Variants in FANCC observed in about 807,000 individuals in gnomAD.
FANCC encodes Fanconi anemia group C protein.
A neutral mutation model predicts 71.3 loss-of-function variants in FANCC; 55 were observed. The observed-to-expected ratio is 0.77, with a 90% CI of 0.62 to 0.97. The LOEUF is 0.97. Among genes scored for constraint, FANCC ranks in the 50% least tolerant of loss-of-function variants. The probability of loss-of-function intolerance (pLI) is 0.00; values close to 1 mark genes in which losing one functional copy is unlikely to be tolerated. For synonymous variants in FANCC, 275 were observed against 244.9 expected, an observed-to-expected ratio of 1.12 and a Z score of -1.15; for missense variants, 678 against 670.9, an observed-to-expected ratio of 1.01 and a Z score of -0.12.
At chr9:95,119,388 A>G (rs572403909) in intron 10 of FANCC, among the ~76,000 whole-genome samples, 2 of 136,218 alleles carry the variant, frequency 1.5e-5, no homozygotes, top group East Asian at 4.2e-4. Context: ...TTTAATTGAG[A>G]TGGAGTCTTG....
In FANCC at chr9:95,100,949, A is replaced by C. The variant is rs1041307863; in HGVS notation, c.*758T>G. The stretch of plus-strand genomic sequence containing the variant: ...CCAGCCAGGCCAATTCTTTATCAGG[A>C]ATTTCCAATTCCCATTTCCATTTAA... On this transcript the variant is annotated 3_prime_UTR_variant, in exon 15 of 15. Coordinates refer to ENST00000289081, the MANE Select transcript of FANCC (RefSeq NM_000136.3). 6 of 233,142 alleles carry C rather than the reference A, an allele frequency of 2.6e-5. No individual in the cohort carries two copies. Among genetic ancestry groups the C allele is most frequent in the African/African-American group, 1.3e-4 (6 of 45,334 alleles). The allele number at this position is 233,142 out of a possible 1,614,324, so 14.4% of individuals were successfully genotyped here. A position where few individuals can be genotyped will look rare whatever the true frequency, so the allele number is the denominator to read the frequency against.
intron 1 of FANCC, among the ~76,000 whole-genome samples, chr9:95,268,033 G>A (rs975337055): frequency 2.0e-5 from 3 of 152,166 alleles, no homozygotes; most frequent in Non-Finnish European, 4.4e-5. Context: ...GTAGCCTTTC[G>A]ACATCACAGG....
At chr9:95,232,651 C>T (rs544333926) in intron 4 of FANCC, among the ~76,000 whole-genome samples, 1 of 152,142 alleles carries the variant, frequency 6.6e-6, no homozygotes, top group South Asian at 2.1e-4. Context: ...TCTCAAAACA[C>T]TCCTGGCTTT....
chr9:95,208,936 C>A (rs527513684), intron 4 of FANCC, among the ~76,000 whole-genome samples: 1 of 152,268 alleles, frequency 6.6e-6, no homozygotes, highest in East Asian at 1.9e-4. Context: ...AACACCTGCA[C>A]ACAGATGTTT....
chr9:95,173,059 A>C (rs1422512162), intron 4 of FANCC, among the ~76,000 whole-genome samples: 2 of 152,220 alleles, frequency 1.3e-5, no homozygotes. Flanking sequence ...ATAAAATACA[A>C]ATAGCTAAGA....
At chr9:95,103,722 G>A (rs375940108) in intron 14 of FANCC, among the ~76,000 whole-genome samples, 7 of 152,228 alleles carry the variant, frequency 4.6e-5, no homozygotes, top group African/African-American at 1.7e-4. Context: ...AGAGGATTCC[G>A]GGACAGCCGG....
At chr9:95,298,151 T>C (rs1185192849) in intron 1 of FANCC, among the ~76,000 whole-genome samples, 1 of 151,472 alleles carries the variant, frequency 6.6e-6, no homozygotes, top group Non-Finnish European at 1.5e-5. Context: ...CATGAAGGAA[T>C]AGAGAAAAGC....
chr9:95,291,967 A>AATAT (rs34066396), intron 1 of FANCC, among the ~76,000 whole-genome samples: 2,376 of 50,074 alleles, frequency 0.047, 264 homozygotes, highest in East Asian at 0.22. Flanking sequence ...AAAAAAAAAA[A>AATAT]ATATATATAT....
chr9:95,206,816 T>C (rs1042203349), intron 4 of FANCC, among the ~76,000 whole-genome samples: 4 of 152,228 alleles, frequency 2.6e-5, no homozygotes, highest in Admixed American at 6.5e-5. Context: ...CCCTAAACTT[T>C]TTTTTGTAAC....
Position 95,126,519 on chromosome 9 carries a change from T to G in FANCC, c.896+10A>C. 6.2e-7 allele frequency: 1 copy of G among 1,613,362 alleles called. No homozygotes were observed. Among genetic ancestry groups the G allele is most frequent in the Non-Finnish European group, 8.5e-7 (1 of 1,179,332 alleles). ...ACATCAATTACTAGAAGAAACAGTG[T>G]AACGTTTACCTGAACATCTCATCAA... On this transcript the variant is annotated intron_variant, in intron 9 of 14. Coordinates refer to ENST00000289081, the MANE Select transcript of FANCC (RefSeq NM_000136.3).
intron 1 of FANCC, among the ~76,000 whole-genome samples, chr9:95,281,844 A>G (rs1833401112): frequency 6.6e-6 from 1 of 152,084 alleles, no homozygotes; most frequent in Admixed American, 6.5e-5. Flanking sequence ...GTGTAAAATA[A>G]CCTTTTATAA....
intron 1 of FANCC, among the ~76,000 whole-genome samples, chr9:95,312,558 C>T (rs1188333954): frequency 6.6e-6 from 1 of 152,198 alleles, no homozygotes; most frequent in Non-Finnish European, 1.5e-5. Context: ...TGCTATGTTG[C>T]CCAGGCTTGT....
At chr9:95,262,688 G>A (rs1489974350) in intron 1 of FANCC, among the ~76,000 whole-genome samples, 1 of 152,142 alleles carries the variant, frequency 6.6e-6, no homozygotes, top group African/African-American at 2.4e-5. Flanking sequence ...TCATAGCAGC[G>A]TAACAGCCAA....
chr9:95,153,070 C>T (rs946148700), intron 6 of FANCC, among the ~76,000 whole-genome samples: 10 of 152,192 alleles, frequency 6.6e-5, no homozygotes, highest in African/African-American at 1.7e-4. Flanking sequence ...TCTCTGTGTA[C>T]TCATAGCTTA....
At chr9:95,317,474 GA>G (rs967120977) in intron 1 of FANCC, 51 bp downstream of exon 1, 2 of 152,352 alleles carry the variant, frequency 1.3e-5, no homozygotes, top group African/African-American at 4.8e-5. Context: ...GTGTCGGCCA[GA>G]CCCCCGAGGG....
At chr9:95,232,651 C>G (rs544333926) in intron 4 of FANCC, among the ~76,000 whole-genome samples, 1 of 152,260 alleles carries the variant, frequency 6.6e-6, no homozygotes, top group African/African-American at 2.4e-5. Flanking sequence ...TCTCAAAACA[C>G]TCCTGGCTTT....
intron 12 of FANCC, chr9:95,114,083 T>G (rs1035619776): frequency 5.3e-6 from 1 of 189,104 alleles, no homozygotes; most frequent in Non-Finnish European, 1.1e-5. Context: ...CAAGACCTTA[T>G]CTCTAAAAAT....
intron 1 of FANCC, among the ~76,000 whole-genome samples, chr9:95,287,923 T>C (rs1382983737): frequency 6.6e-6 from 1 of 152,164 alleles, no homozygotes; most frequent in Non-Finnish European, 1.5e-5. Context: ...GAATTTGGTA[T>C]GGACTTTTTT....
chr9:95,121,407 G>T (rs2072869550), intron 10 of FANCC, among the ~76,000 whole-genome samples: 1 of 152,198 alleles, frequency 6.6e-6, no homozygotes, highest in African/African-American at 2.4e-5. Flanking sequence ...GGATTTATGG[G>T]ATCACTCATA....
Sources: allele counts gnomAD v4.1 joint callset (sites outside exome capture counted in the v4.1 genomes callset), GRCh38; gene constraint gnomAD v4.1.1; transcripts MANE v1.5; gene names NCBI Gene and HGNC (gene_info 2026-07-23, HGNC 2026-07-21).